Variants in SPRR2G observed in about 807,000 individuals in gnomAD.
The protein encoded by SPRR2G is small proline rich protein 2G.
A neutral mutation model predicts 0.7 loss-of-function variants in SPRR2G; 1 was observed. The observed-to-expected ratio is 1.49, with a 90% CI of 0.53 to 7.06. The LOEUF (loss-of-function observed/expected upper bound fraction) is 7.06. SPRR2G is among the 30% of genes most tolerant of loss of function. SPRR2G has a pLI of 0.14. For missense variants in SPRR2G, 96 were observed against 88.5 expected, an observed-to-expected ratio of 1.09 and a Z score of -0.34; for synonymous variants, 38 against 33.9, an observed-to-expected ratio of 1.12 and a Z score of -0.42.
the SPRR2G span, among the ~76,000 whole-genome samples, chr1:153,197,132 A>ATGTG: frequency 0.067 from 9,442 of 139,920 alleles, 386 homozygotes; most frequent in Non-Finnish European, 0.086. Context: ...CAGGCAGAGA[A>ATGTG]TGTGTGTGTG....
At chr1:153,188,795 C>T in the SPRR2G span, among the ~76,000 whole-genome samples, 1 of 152,214 alleles carries the variant, frequency 6.6e-6, no homozygotes, top group African/African-American at 2.4e-5. Context: ...ACCCAGGACC[C>T]TCATGGTGTA....
the SPRR2G span, among the ~76,000 whole-genome samples, chr1:153,185,339 C>CTTT: frequency 6.5e-5 from 9 of 137,862 alleles, no homozygotes; most frequent in African/African-American, 1.8e-4. Context: ...TGGTCCTGGG[C>CTTT]TTTTTTTTTT....
At chr1:153,182,848 G>C in the SPRR2G span, among the ~76,000 whole-genome samples, 2 of 152,012 alleles carry the variant, frequency 1.3e-5, no homozygotes, top group Non-Finnish European at 2.9e-5. Flanking sequence ...CAATAAACAT[G>C]TGTGCACATG....
the SPRR2G span, among the ~76,000 whole-genome samples, chr1:153,169,597 T>C: frequency 1.3e-5 from 2 of 150,738 alleles, no homozygotes. Flanking sequence ...CACAAAGTGG[T>C]TCTGGCCAGT....
chr1:153,197,168 GTGTGTGTGTGTA>G, the SPRR2G span, among the ~76,000 whole-genome samples: 5 of 140,154 alleles, frequency 3.6e-5, no homozygotes, highest in African/African-American at 1.6e-4. Context: ...GTGTGTGTGT[GTGTGTGTGTGTA>G]TGTTGGAGGA....
the SPRR2G span, among the ~76,000 whole-genome samples, chr1:153,171,590 G>A: frequency 1.3e-5 from 2 of 152,076 alleles, no homozygotes; most frequent in African/African-American, 4.8e-5. Context: ...GCAGATAATT[G>A]CTCACTTTTT....
Position 153,149,823 on chromosome 1 carries a change from G to C in SPRR2G, c.*66C>G. On this transcript the variant is annotated 3_prime_UTR_variant, in exon 2 of 2. Transcript: ENST00000368748. ...CACTACAGCTGAAGGGAAGATGATG[G>C]AGTCCTGGGAGTAAGAAGAGCCACT... 1 of 1,579,106 alleles carries C rather than the reference G, an allele frequency of 6.3e-7. No individual in the cohort carries two copies. The highest frequency in any genetic ancestry group is 8.7e-7 in the Non-Finnish European group (1 of 1,150,224).
chr1:153,164,614 T>C, the SPRR2G span, among the ~76,000 whole-genome samples: 1 of 152,224 alleles, frequency 6.6e-6, no homozygotes, highest in Non-Finnish European at 1.5e-5. Context: ...ATAGTGTTTG[T>C]ATATAACCTA....
the SPRR2G span, chr1:153,176,771 G>A: frequency 1.3e-5 from 2 of 152,174 alleles, no homozygotes; most frequent in Non-Finnish European, 2.9e-5. Flanking sequence ...CAGTAAAAGT[G>A]AAAAAGCCCA....
At chr1:153,151,240 T>C (rs774696774), upstream of SPRR2G, among the ~76,000 whole-genome samples, 12 of 152,204 alleles carry the variant, frequency 7.9e-5, no homozygotes, top group Non-Finnish European at 1.5e-4. Context: ...ATGCCCAGTA[T>C]CTAGCTGTGT....
At chr1:153,175,448 G>A in the SPRR2G span, among the ~76,000 whole-genome samples, 1 of 152,242 alleles carries the variant, frequency 6.6e-6, no homozygotes, top group East Asian at 1.9e-4. Context: ...AACAGGCCCT[G>A]GTCTCTCTAT....
the SPRR2G span, among the ~76,000 whole-genome samples, chr1:153,169,849 A>G: frequency 0.013 from 1,981 of 152,234 alleles, 28 homozygotes; most frequent in African/African-American, 0.038. Flanking sequence ...TATTCTTCTC[A>G]CCCTCCAAAT....
At chr1:153,184,874 G>C in the SPRR2G span, among the ~76,000 whole-genome samples, 1 of 152,120 alleles carries the variant, frequency 6.6e-6, no homozygotes, top group Non-Finnish European at 1.5e-5. Context: ...TTTGAGATAT[G>C]CTCCATCAAT....
the SPRR2G span, among the ~76,000 whole-genome samples, chr1:153,164,480 T>A: frequency 6.6e-6 from 1 of 152,226 alleles, no homozygotes; most frequent in Non-Finnish European, 1.5e-5. Flanking sequence ...TAAGTGGCTC[T>A]GTTATTTTAA....
the SPRR2G span, among the ~76,000 whole-genome samples, chr1:153,159,126 T>C: frequency 2.0e-5 from 3 of 152,250 alleles, no homozygotes; most frequent in Non-Finnish European, 2.9e-5. Context: ...TGCTTACTTA[T>C]GCAAAACCTA....
At chr1:153,151,827 G>T (rs1011032245), upstream of SPRR2G, among the ~76,000 whole-genome samples, 4 of 152,130 alleles carry the variant, frequency 2.6e-5, no homozygotes, top group Admixed American at 2.6e-4. Context: ...TTACTTCATG[G>T]ATGTTTTTAC....
chr1:153,150,152 A>T (rs367866890), intron 1 of SPRR2G, 21 bp from the exon 2 acceptor site: 123 of 1,608,378 alleles, frequency 7.6e-5, no homozygotes, highest in Non-Finnish European at 1.0e-4. Flanking sequence ...CATACGAAAC[A>T]GTGCTCATAA....
chr1:153,157,866 G>T, the SPRR2G span, among the ~76,000 whole-genome samples: 3 of 144,770 alleles, frequency 2.1e-5, no homozygotes, highest in Non-Finnish European at 4.5e-5. Flanking sequence ...TACAATCATG[G>T]AAGAGGGTGA....
At chr1:153,163,790 G>T in the SPRR2G span, among the ~76,000 whole-genome samples, 6 of 152,086 alleles carry the variant, frequency 3.9e-5, no homozygotes, top group Non-Finnish European at 7.3e-5. Context: ...TTCCTAAACA[G>T]CCAGTTAACA....
Sources: allele counts gnomAD v4.1 joint callset (sites outside exome capture counted in the v4.1 genomes callset), GRCh38; gene constraint gnomAD v4.1.1; transcripts MANE v1.5; gene names NCBI Gene and HGNC (gene_info 2026-07-23, HGNC 2026-07-21).